TICRR: variants seen among roughly 807,000 people sequenced by gnomAD.
TICRR encodes the protein TOPBP1 interacting checkpoint and replication regulator.
A neutral mutation model predicts 178.1 loss-of-function variants in TICRR; 132 were observed. The ratio of observed to expected loss-of-function variants is 0.74; its 90% CI spans 0.64 to 0.86. TICRR has a LOEUF of 0.86. Among genes scored for constraint, TICRR ranks in the 40% least tolerant of loss-of-function variants. TICRR has a pLI of 0.00. For missense variants in TICRR, 2,587 were observed against 2,334.3 expected (o/e 1.11, Z -2.23); for synonymous variants, 991 against 900.7 (o/e 1.10, Z -1.79).
Position 89,608,865 on chromosome 15 carries a change from C to G in TICRR, c.2785C>G (p.Leu929Val), listed in dbSNP as rs376492815. The G allele has an allele frequency of 5.0e-6, 8 of 1,610,994 alleles. No individual in the cohort carries two copies. The Admixed American group carries it at 5.0e-5, about 10-fold the overall frequency. ...ATTGCTTTCCCCTTCAAAGAGATCACTAAAGCGGGGGTTGCCTAGAAGCCA... is the reference window on the plus strand; with the variant it reads ...ATTGCTTTCCCCTTCAAAGAGATCAGTAAAGCGGGGGTTGCCTAGAAGCCA... ...QELLSPSKRSLKRGLPRSHSV... is the reference protein window; with the variant it reads ...QELLSPSKRSVKRGLPRSHSV... The change falls in exon 15 of 22, where the codon CTA becomes GTA. Residue 929 changes from leucine to valine, a missense_variant. Coordinates refer to ENST00000268138, the MANE Select transcript of TICRR (RefSeq NM_152259.4).
chr15:89,623,574 A>G, intron 19 of TICRR, 49 bp from the exon 20 acceptor site: 1 of 1,537,472 alleles, frequency 6.5e-7, no homozygotes, highest in South Asian at 1.3e-5. Flanking sequence ...CACTTCAGAG[A>G]TCATGAGTTA....
chr15:89,624,026 A>T lies in TICRR; in HGVS notation c.3716A>T (p.Glu1239Val). ...TCATCGACTGCCCAGCCCAGGAGAG[A>T]GTGTCTCACTCCCATCAGAGACCCT... ...PTSSTAQPRRECLTPIRDPLR... is the reference protein window; with the variant it reads ...PTSSTAQPRRVCLTPIRDPLR... The change falls in exon 20 of 22, where the codon GAG (glutamate) becomes GTG (valine). Residue 1239 changes from glutamate (E) to valine (V), a missense_variant. Transcript: ENST00000268138. 2 of 1,613,898 alleles carry T rather than the reference A, an allele frequency of 1.2e-6. No homozygotes were observed. Among genetic ancestry groups the T allele is most frequent in the Non-Finnish European group, 1.7e-6 (2 of 1,179,986 alleles).
chr15:89,626,185 C>A, intron 21 of TICRR, 124 bp downstream of exon 21: 2 of 1,043,486 alleles, frequency 1.9e-6, no homozygotes, highest in Non-Finnish European at 1.4e-6. Flanking sequence ...GGTGACTTCG[C>A]GCCTACAGCG....
chr15:89,619,326 A>C (rs910115345), intron 17 of TICRR, among the ~76,000 whole-genome samples: 22 of 147,054 alleles, frequency 1.5e-4, no homozygotes, highest in African/African-American at 5.5e-4. Flanking sequence ...CCCAGGTTCA[A>C]GCGATTCTCC....
At chr15:89,580,334 A>C (rs538461471) in intron 1 of TICRR, among the ~76,000 whole-genome samples, 1 of 152,284 alleles carries the variant, frequency 6.6e-6, no homozygotes, top group South Asian at 2.1e-4. Context: ...ATAAAGTTAC[A>C]TCTTAACCTT....
chr15:89,611,442 C>T (rs780871068), intron 15 of TICRR, among the ~76,000 whole-genome samples: 3 of 152,152 alleles, frequency 2.0e-5, no homozygotes, highest in African/African-American at 4.8e-5. Flanking sequence ...TTGACTACAA[C>T]GTGTCTCAGT....
rs1025264487 is a variant in TICRR, at chr15:89,584,654, T to C, written c.1176+127T>C. On this transcript the variant is annotated intron_variant, in intron 3 of 21. Transcript: ENST00000268138. ...ACTGATTATGCTTTTGCAAATAATA[T>C]TGTTGACATTATAGTATCATGACAG... 5 of 962,808 alleles carry C rather than the reference T, an allele frequency of 5.2e-6. No individual in the cohort carries two copies. In the Admixed American group the frequency reaches 1.2e-4, roughly 23 times the overall value. 59.6% of individuals were successfully genotyped at this position (962,808 alleles called of 1,614,324 possible). A position where few individuals can be genotyped will look rare whatever the true frequency, so the allele number is the denominator to read the frequency against.
In TICRR at chr15:89,623,831, C is replaced by T. The variant is rs905861661; in HGVS notation, c.3521C>T (p.Thr1174Ile). The T allele has an allele frequency of 6.2e-7, 1 of 1,613,986 alleles. No homozygotes were observed. Among genetic ancestry groups the T allele is most frequent in the South Asian group, 1.1e-5 (1 of 91,082 alleles). Residue 1174 changes from threonine to isoleucine, a missense_variant, in exon 20 of 22, where the codon ACT becomes ATT. By Grantham distance (89) the Thr-to-Ile change is moderately conservative. Transcript: ENST00000268138. ...GHDSPLDSKI[T>I]PQKRHTQAGE... ...GACTCACCATTGGATTCAAAAATCACTCCTCAAAAACGACATACCCAGGCA... is the reference window on the plus strand; with the variant it reads ...GACTCACCATTGGATTCAAAAATCATTCCTCAAAAACGACATACCCAGGCA...
chr15:89,619,203 T>C (rs888480067), intron 17 of TICRR, among the ~76,000 whole-genome samples: 6 of 149,202 alleles, frequency 4.0e-5, no homozygotes, highest in Non-Finnish European at 8.9e-5. Flanking sequence ...ATACTTGTTT[T>C]CGCCCTACAC....
intron 7 of TICRR, among the ~76,000 whole-genome samples, chr15:89,597,723 G>C (rs1963021985): frequency 6.6e-6 from 1 of 151,902 alleles, no homozygotes; most frequent in Admixed American, 6.6e-5. Flanking sequence ...AGTTATTCTG[G>C]GTCTTTCGCC....
chr15:89,595,485 C>T lies in TICRR; in HGVS notation c.1774C>T (p.Gln592Ter). Residue 592 changes from glutamine (Q) to a stop codon, truncating the protein, a stop_gained, in exon 7 of 22, where the codon CAG (glutamine) becomes TAG (stop). Coordinates refer to ENST00000268138, the MANE Select transcript of TICRR (RefSeq NM_152259.4). LOFTEE classifies it high-confidence loss of function. ...LNVARLNVKA[Q>*]KLHPDGSPDV... ...TGTCGCAAGGCTGAATGTGAAGGCC[C>T]AGAAGTTACATCCAGATGGCAGTCC... is the stretch of plus-strand genomic sequence containing the variant. 6.2e-7 allele frequency: 1 copy of T among 1,614,056 alleles called. No individual in the cohort carries two copies.
chr15:89,604,768 CAAAA>C (rs35046074), intron 13 of TICRR, among the ~76,000 whole-genome samples: 4 of 106,570 alleles, frequency 3.8e-5, no homozygotes, highest in Middle Eastern at 4.4e-3. Context: ...GAGACTCTGT[CAAAA>C]AAAAAAAAAA....
At chr15:89,620,944 G>A (rs559394403) in intron 18 of TICRR, among the ~76,000 whole-genome samples, 7 of 151,410 alleles carry the variant, frequency 4.6e-5, no homozygotes, top group East Asian at 2.0e-4. Context: ...GGATAGTCTC[G>A]ATCTCCGACT....
At chr15:89,611,482 A>G (rs150828432) in intron 15 of TICRR, among the ~76,000 whole-genome samples, 146 of 152,236 alleles carry the variant, frequency 9.6e-4, no homozygotes, top group Middle Eastern at 3.4e-3. Flanking sequence ...TTCAGCTTGG[A>G]GTTCGTGGAA....
intron 4 of TICRR, among the ~76,000 whole-genome samples, chr15:89,591,018 C>G (rs950699867): frequency 5.3e-5 from 8 of 152,198 alleles, no homozygotes; most frequent in African/African-American, 1.9e-4. Context: ...CTCACACTCC[C>G]CAATACAGAG....
At chr15:89,599,266 G>A in intron 7 of TICRR, 58 bp from the exon 8 acceptor site, 1 of 1,391,298 alleles carries the variant, frequency 7.2e-7, no homozygotes, top group Non-Finnish European at 9.7e-7. Context: ...ACTGGCCTAA[G>A]TAATACAAGG....
intron 4 of TICRR, among the ~76,000 whole-genome samples, chr15:89,589,342 A>C (rs1348100788): frequency 6.6e-6 from 1 of 151,400 alleles, no homozygotes; most frequent in Non-Finnish European, 1.5e-5. Context: ...TGTTTGGCCC[A>C]CCCCCACTCC....
intron 15 of TICRR, among the ~76,000 whole-genome samples, chr15:89,615,129 A>C (rs1050054878): frequency 3.3e-5 from 5 of 152,200 alleles, no homozygotes; most frequent in African/African-American, 1.2e-4. Context: ...TTATTGCACC[A>C]AATGTTACCA....
chr15:89,600,472 G>T, intron 8 of TICRR, 113 bp from the exon 9 acceptor site: 1 of 466,332 alleles, frequency 2.1e-6, no homozygotes, highest in Non-Finnish European at 3.8e-6. Context: ...TCATTCAAAT[G>T]AAAGAATAGA....
Sources: gnomAD v4.1 joint callset for allele counts (sites outside exome capture counted in the v4.1 genomes callset) on GRCh38, gnomAD v4.1.1 for gene constraint, MANE v1.5 for transcripts, NCBI Gene and HGNC (gene_info 2026-07-23, HGNC 2026-07-21) for gene names.